The following GRM1 variants were observed in gnomAD, a reference collection of about 807,000 sequenced individuals.
GRM1 encodes glutamate metabotropic receptor 1.
In GRM1, 33 loss-of-function variants were observed where a neutral mutation model predicts 90.9. That is an observed-to-expected ratio of 0.36 (90% CI 0.28 to 0.49). GRM1 has a LOEUF of 0.49. Ranked by LOEUF, GRM1 falls within the 20% of genes least tolerant of loss-of-function variation. The pLI, the probability that GRM1 is intolerant of heterozygous loss-of-function variation, is 0.99. For missense variants in GRM1, 1,190 were observed against 1,534.3 expected (o/e 0.78, Z 3.75); for synonymous variants, 700 against 613.2 (o/e 1.14, Z -2.09).
intron 7 of GRM1, among the ~76,000 whole-genome samples, chr6:146,433,442 A>G (rs1463497727): frequency 6.6e-6 from 1 of 152,128 alleles, no homozygotes; most frequent in African/African-American, 2.4e-5. Flanking sequence ...TGTCCCAAGG[A>G]CAATAGCCAT....
intron 2 of GRM1, among the ~76,000 whole-genome samples, chr6:146,290,404 C>G (rs995375128): frequency 2.0e-5 from 3 of 152,144 alleles, no homozygotes; most frequent in African/African-American, 7.2e-5. Context: ...TGAAGCATAA[C>G]TGTCAGACTC....
chr6:146,238,125 A>G (rs889429631), intron 2 of GRM1, among the ~76,000 whole-genome samples: 3 of 152,140 alleles, frequency 2.0e-5, no homozygotes, highest in Non-Finnish European at 4.4e-5. Context: ...CTGTCTGCTC[A>G]GCAACAAGCA....
intron 1 of GRM1, among the ~76,000 whole-genome samples, chr6:146,134,669 A>G (rs777315288): frequency 5.3e-5 from 8 of 152,104 alleles, no homozygotes; most frequent in Non-Finnish European, 7.4e-5. Context: ...GGTGGCTCAC[A>G]TCGGTAATCC....
chr6:146,421,249 A>C (rs1031606086), intron 7 of GRM1, among the ~76,000 whole-genome samples: 2 of 152,172 alleles, frequency 1.3e-5, no homozygotes, highest in Non-Finnish European at 2.9e-5. Flanking sequence ...AAATGTAGGA[A>C]AAAAACTAAA....
intron 5 of GRM1, among the ~76,000 whole-genome samples, chr6:146,358,050 A>G (rs1011848542): frequency 5.3e-5 from 8 of 152,252 alleles, no homozygotes; most frequent in Admixed American, 6.5e-5. Context: ...CTATTGTTAA[A>G]GAAAGCAGAA....
At chr6:146,061,686 C>A (rs930139937) in intron 1 of GRM1, among the ~76,000 whole-genome samples, 2 of 151,872 alleles carry the variant, frequency 1.3e-5, no homozygotes, top group Admixed American at 1.3e-4. Flanking sequence ...CAAAAAAAGA[C>A]ATTTATGCAG....
chr6:146,100,944 G>A (rs565542046), intron 1 of GRM1, among the ~76,000 whole-genome samples: 1 of 152,216 alleles, frequency 6.6e-6, no homozygotes, highest in East Asian at 1.9e-4. Context: ...GGGAAAAAAT[G>A]TTTTTAAAAA....
chr6:146,190,751 G>A (rs1562519542), intron 2 of GRM1, among the ~76,000 whole-genome samples: 1 of 152,000 alleles, frequency 6.6e-6, no homozygotes, highest in African/African-American at 2.4e-5. Context: ...TTCAGTTCAG[G>A]CCTTCATCAT....
chr6:146,218,484 C>G (rs1779949241), intron 2 of GRM1, among the ~76,000 whole-genome samples: 1 of 152,110 alleles, frequency 6.6e-6, no homozygotes, highest in Admixed American at 6.5e-5. Context: ...AGTATTGAGT[C>G]TTTACTAAGG....
In GRM1 at chr6:146,435,191, A is replaced by G; in HGVS notation, c.*395A>G. 2.9e-6 allele frequency: 1 copy of G among 346,112 alleles called. No individual in the cohort carries two copies. Among genetic ancestry groups the G allele is most frequent in the Non-Finnish European group, 5.6e-6 (1 of 179,116 alleles). 21.4% of individuals were successfully genotyped at this position (346,112 alleles called of 1,614,324 possible). On this transcript the variant is annotated 3_prime_UTR_variant, in exon 8 of 8. Transcript: ENST00000282753. The stretch of plus-strand genomic sequence containing the variant: ...CACTGGGCCATGCTTGCCAAGGAAC[A>G]GCCCACGTGGACATGCCAGTCGGAT...
At chr6:146,351,382 A>G (rs1785406131) in intron 3 of GRM1, among the ~76,000 whole-genome samples, 2 of 152,156 alleles carry the variant, frequency 1.3e-5, no homozygotes, top group African/African-American at 4.8e-5. Context: ...TGTTTTCCAA[A>G]TATATTTTTT....
chr6:146,278,550 C>T (rs758453905), intron 2 of GRM1, among the ~76,000 whole-genome samples: 41 of 152,214 alleles, frequency 2.7e-4, no homozygotes, highest in Non-Finnish European at 1.5e-4. Flanking sequence ...CCAAGGCGGG[C>T]GGATCACCTG....
At chr6:146,206,367 C>G (rs1205920262) in intron 2 of GRM1, among the ~76,000 whole-genome samples, 2 of 152,128 alleles carry the variant, frequency 1.3e-5, no homozygotes, top group East Asian at 3.9e-4. Context: ...GAAGGAGTTG[C>G]TATCCCAGGC....
intron 2 of GRM1, among the ~76,000 whole-genome samples, chr6:146,252,632 A>T (rs1223623695): frequency 6.6e-6 from 1 of 152,122 alleles, no homozygotes; most frequent in East Asian, 1.9e-4. Flanking sequence ...AACAATTTTA[A>T]AAAAGGATAA....
intron 1 of GRM1, among the ~76,000 whole-genome samples, chr6:146,096,474 C>T (rs1474939460): frequency 6.6e-6 from 1 of 152,110 alleles, no homozygotes; most frequent in Non-Finnish European, 1.5e-5. Context: ...CTTAAAGGAC[C>T]CAGTGGCTAC....
chr6:146,087,821 G>T (rs935615321), intron 1 of GRM1, among the ~76,000 whole-genome samples: 13 of 152,072 alleles, frequency 8.5e-5, no homozygotes, highest in Admixed American at 8.5e-4. Context: ...TGGATTTACA[G>T]TTTGTCTTAA....
At chr6:146,343,651 G>T (rs1033468860) in intron 3 of GRM1, among the ~76,000 whole-genome samples, 8 of 132,936 alleles carry the variant, frequency 6.0e-5, no homozygotes, top group Non-Finnish European at 4.5e-5. Context: ...TGTTGTTGTT[G>T]TTTTTATTTA....
chr6:146,067,120 T>C (rs7753965), intron 1 of GRM1, among the ~76,000 whole-genome samples: 7,197 of 152,260 alleles, frequency 0.047, 577 homozygotes, highest in African/African-American at 0.16. Context: ...TTCTGTATTA[T>C]ACCCCTCACT....
chr6:146,369,862 T>C (rs1306252506), intron 5 of GRM1, among the ~76,000 whole-genome samples: 1 of 151,968 alleles, frequency 6.6e-6, no homozygotes, highest in African/African-American at 2.4e-5. Flanking sequence ...GTAATTTAAC[T>C]CCAATGTTTC....
Sources: gnomAD v4.1 joint callset for allele counts (sites outside exome capture counted in the v4.1 genomes callset) on GRCh38, gnomAD v4.1.1 for gene constraint, MANE v1.5 for transcripts, NCBI Gene and HGNC (gene_info 2026-07-23, HGNC 2026-07-21) for gene names.